ZNFX1: variants seen among roughly 807,000 people sequenced by gnomAD.
The protein encoded by ZNFX1 is zinc finger NFX1-type containing 1.
A neutral mutation model predicts 179.8 loss-of-function variants in ZNFX1; 78 were observed. The observed-to-expected ratio is 0.43, with a 90% CI of 0.36 to 0.52. The LOEUF is 0.52. Ranked by LOEUF, ZNFX1 falls within the 20% of genes least tolerant of loss-of-function variation. The pLI, the probability that ZNFX1 is intolerant of heterozygous loss-of-function variation, is 0.00. For synonymous variants in ZNFX1, 848 were observed against 868.5 expected (o/e 0.98, Z 0.42); for missense variants, 1,927 against 2,386.6 (o/e 0.81, Z 4.01).
chr20:49,257,280 T>C, intron 8 of ZNFX1, 137 bp downstream of exon 8: 1 of 1,259,550 alleles, frequency 7.9e-7, no homozygotes, highest in East Asian at 2.5e-5. Context: ...ACTAAAGCCA[T>C]CTCATACCAG....
chr20:49,248,096 A>G lies in ZNFX1; in HGVS notation c.4928T>C (p.Ile1643Thr). 6.2e-7 allele frequency: 1 copy of G among 1,614,030 alleles called. No individual in the cohort carries two copies. The highest frequency in any genetic ancestry group is 1.3e-5 in the African/African-American group (1 of 74,976). ...GTSIKQRLEE[I>T]EIIKEKIQGS... ...CTGGATCTTTTCCTTGATGATTTCA[A>G]TCTCTTCTAGCCGCTGTTTTATGCT... Residue 1643 changes from isoleucine (I) to threonine (T), a missense_variant, in exon 14 of 14, where the codon ATT becomes ACT. Ile to Thr is a moderately conservative substitution (Grantham distance 89). Transcript: ENST00000396105. The surrounding 1 kb of genome is among the most constrained non-coding windows in gnomAD (Gnocchi z 4.6).
At chr20:49,277,725 G>C (rs1270139824) in intron 1 of ZNFX1, among the ~76,000 whole-genome samples, 1 of 148,200 alleles carries the variant, frequency 6.7e-6, no homozygotes. Context: ...CTGAGTAGGC[G>C]ATGGAGGTCT....
At chr20:49,251,481 T>C (rs758178750) in intron 13 of ZNFX1, 46 bp downstream of exon 13, 3 of 1,565,582 alleles carry the variant, frequency 1.9e-6, no homozygotes, top group Admixed American at 3.6e-5. Context: ...ATAGCCTTTT[T>C]AGGTTGCTGA....
intron 6 of ZNFX1, among the ~76,000 whole-genome samples, chr20:49,261,606 G>C (rs567965642): frequency 6.6e-6 from 1 of 151,804 alleles, no homozygotes; most frequent in Non-Finnish European, 1.5e-5. Flanking sequence ...TGAGTACTAG[G>C]CTTAATATCT....
chr20:49,251,430 C>A, intron 13 of ZNFX1, 97 bp downstream of exon 13: 1 of 1,097,970 alleles, frequency 9.1e-7, no homozygotes, highest in Non-Finnish European at 1.3e-6. Flanking sequence ...TGTGAGCCAC[C>A]GCGCCTGGCC....
chr20:49,253,478 T>C (rs964775137), intron 11 of ZNFX1, among the ~76,000 whole-genome samples, 188 bp downstream of exon 11: 1 of 152,168 alleles, frequency 6.6e-6, no homozygotes, highest in Admixed American at 6.5e-5. Context: ...ATAAATGACG[T>C]TGCCACTAAA....
At position 49,270,953 on chromosome 20, in the gene ZNFX1, T is replaced by A. The variant is rs753824150; in HGVS notation, c.859A>T (p.Ile287Leu). 6.2e-7 allele frequency: 1 copy of A among 1,614,152 alleles called. No individual in the cohort carries two copies. The highest frequency in any genetic ancestry group is 8.5e-7 in the Non-Finnish European group (1 of 1,180,022). ...AGGTTCTTCTCCGTTTCCTCTTCTA[T>A]GTCAACACCAGAGGCTCTCAGAGCA... is the stretch of plus-strand genomic sequence containing the variant. ...LNALRASGVDIEEETEKNLEK... is the reference protein window; with the variant it reads ...LNALRASGVDLEEETEKNLEK... Residue 287 changes from isoleucine (I) to leucine (L), a missense_variant, in exon 3 of 14, where the codon ATA (isoleucine) becomes TTA (leucine). Physicochemically the swap from Ile to Leu is conservative, Grantham distance 5 (BLOSUM62 2). Transcript: ENST00000396105. The surrounding 1 kb of genome is among the most constrained non-coding windows in gnomAD (Gnocchi z 4.6).
chr20:49,251,501 A>C (rs760393882), intron 13 of ZNFX1, 26 bp downstream of exon 13: 1 of 1,599,458 alleles, frequency 6.3e-7, no homozygotes, highest in South Asian at 1.1e-5. Context: ...ACACCATCCA[A>C]GAAAGATCGG....
chr20:49,273,480 A>G (rs1981476148), intron 2 of ZNFX1, among the ~76,000 whole-genome samples: 4 of 152,216 alleles, frequency 2.6e-5, no homozygotes, highest in Non-Finnish European at 5.9e-5. Context: ...AATATAAATG[A>G]TCTACAACTG....
At chr20:49,274,368 G>A (rs1981499882) in intron 2 of ZNFX1, among the ~76,000 whole-genome samples, 1 of 152,206 alleles carries the variant, frequency 6.6e-6, no homozygotes, top group Non-Finnish European at 1.5e-5. Context: ...ATAAACTATA[G>A]TCAATTATTA....
intron 3 of ZNFX1, among the ~76,000 whole-genome samples, chr20:49,267,382 C>T (rs892608080): frequency 6.6e-6 from 1 of 152,074 alleles, no homozygotes; most frequent in Non-Finnish European, 1.5e-5. Context: ...TGTACTGCAG[C>T]CTGAACACCT....
At chr20:49,268,073 C>T (rs903991853) in intron 3 of ZNFX1, among the ~76,000 whole-genome samples, 2 of 151,952 alleles carry the variant, frequency 1.3e-5, no homozygotes, top group Non-Finnish European at 2.9e-5. Context: ...GACAGGGTTT[C>T]GTCGTGTTAG....
chr20:49,256,019 T>TCACAGCACGTAAGAAAAAGGG, intron 8 of ZNFX1, 72 bp from the exon 9 acceptor site: 1 of 1,555,678 alleles, frequency 6.4e-7, no homozygotes, highest in Non-Finnish European at 8.7e-7. Flanking sequence ...AAGGCAGGGG[T>TCACAGCACGTAAGAAAAAGGG]CACAGCACGT....
At position 49,270,522 on chromosome 20, in the gene ZNFX1, C is replaced by T. The variant is rs755078170; in HGVS notation, c.1290G>A (p.Val430=). ...ACTTCAGTGGTTTTGTGTCAAACTGCACCTTGTAGACTATGCCTGATGATG... is the reference window on the plus strand; with the variant it reads ...ACTTCAGTGGTTTTGTGTCAAACTGTACCTTGTAGACTATGCCTGATGATG... The part of the protein sequence containing the change: ...MCSSSGIVYK[V]QFDTKPLKFV... Residue 430 remains valine (V), a synonymous_variant, in exon 3 of 14, where the codon GTG becomes GTA. Coordinates refer to ENST00000396105, the MANE Select transcript of ZNFX1 (RefSeq NM_021035.3). The surrounding 1 kb of genome is among the most constrained non-coding windows in gnomAD (Gnocchi z 4.6). The T allele has an allele frequency of 7.4e-6, 12 of 1,614,256 alleles. 1 individual carries two copies. The Middle Eastern group carries it at 8.2e-4, about 111-fold the overall frequency.
rs574156173 is a variant in ZNFX1, at chr20:49,261,340, A to AC, written c.2302-764_2302-763insG. On this transcript the variant is annotated intron_variant, in intron 6 of 13. Coordinates refer to ENST00000396105, the MANE Select transcript of ZNFX1 (RefSeq NM_021035.3). ...GCATCAATGAAGGACTGGATAAAGAAAACGTGGTACATATATACCATGGAA... is the reference window on the plus strand; with the variant it reads ...GCATCAATGAAGGACTGGATAAAGAACAACGTGGTACATATATACCATGGAA... Among the ~76,000 whole-genome samples, 187 of 152,350 alleles carry AC rather than the reference A, an allele frequency of 1.2e-3. 1 individual carries two copies. The Middle Eastern group carries it at 0.014, about 11-fold the overall frequency.
intron 5 of ZNFX1, among the ~76,000 whole-genome samples, chr20:49,264,442 T>C (rs1322860879): frequency 2.0e-5 from 3 of 152,126 alleles, no homozygotes; most frequent in African/African-American, 7.2e-5. Flanking sequence ...CCCTGGTCAG[T>C]TGGCTGTACA....
intron 9 of ZNFX1, among the ~76,000 whole-genome samples, chr20:49,254,886 A>G (rs953730329): frequency 4.6e-5 from 7 of 152,174 alleles, no homozygotes; most frequent in Non-Finnish European, 8.8e-5. Context: ...TGGGAAGAAA[A>G]TAAGAGACTT....
Position 49,266,128 on chromosome 20 carries a change from G to C in ZNFX1, c.2002+7C>G. The C allele has an allele frequency of 6.2e-7, 1 of 1,606,436 alleles. No individual in the cohort carries two copies. The stretch of plus-strand genomic sequence containing the variant: ...TGATAGAGAACAAATTTGCCTATAA[G>C]TATTACCTTCCAGAAACTGGTCCAA... On this transcript the variant is annotated splice_region_variant and intron_variant, in intron 4 of 13. Transcript: ENST00000396105.
chr20:49,266,657 C>T (rs1423606748), intron 3 of ZNFX1, among the ~76,000 whole-genome samples: 1 of 138,736 alleles, frequency 7.2e-6, no homozygotes, highest in Non-Finnish European at 1.6e-5. Flanking sequence ...TAGGAGAATC[C>T]CATCCCCCCC....
Sources: allele counts gnomAD v4.1 joint callset (sites outside exome capture counted in the v4.1 genomes callset), GRCh38; gene constraint gnomAD v4.1.1; non-coding constraint Gnocchi (gnomAD v3.1); transcripts MANE v1.5; gene names NCBI Gene and HGNC (gene_info 2026-07-23, HGNC 2026-07-21).